The following SIGLEC1 variants were observed in gnomAD, a reference collection of about 807,000 sequenced individuals.
The protein encoded by SIGLEC1 is sialic acid binding Ig like lectin 1.
In SIGLEC1, 132 loss-of-function variants were observed where a neutral mutation model predicts 148.0. That is an observed-to-expected ratio of 0.89 (90% confidence interval 0.77 to 1.03). SIGLEC1 has a LOEUF of 1.03. SIGLEC1 is among the 50% of genes least tolerant of loss of function. SIGLEC1 has a pLI of 0.00. For synonymous variants in SIGLEC1, 945 were observed against 969.0 expected (o/e 0.98, Z 0.46); for missense variants, 2,253 against 2,271.4 (o/e 0.99, Z 0.16).
rs569504962 is a variant in SIGLEC1, at chr20:3,693,113, C to T, written c.3527G>A (p.Arg1176His). 2.9e-5 allele frequency: 46 copies of T among 1,573,210 alleles called. No individual in the cohort carries two copies. Among genetic ancestry groups the T allele is most frequent in the South Asian group, 2.6e-4 (22 of 86,270 alleles). The change falls in exon 15 of 22, where the codon CGC becomes CAC. Residue 1176 changes from arginine to histidine, a missense_variant. Transcript: ENST00000344754. Reference sequence around the variant, plus strand: ...ATGGCTCTCCAGGAGGTAGGTCAGGCGCAGGTTGCGGGGCGCGTCTGCAGG... The same window carrying T: ...ATGGCTCTCCAGGAGGTAGGTCAGGTGCAGGTTGCGGGGCGCGTCTGCAGG... ...LDVLYAPRNL[R>H]LTYLLESHGG...
Position 3,698,059 on chromosome 20 carries a change from G to C in SIGLEC1, c.1861C>G (p.Leu621Val), listed in dbSNP as rs773390349. ...TCGCTGTCCACACGGCACAAAAGGA[G>C]GCCTCGCCGTCCAGCCCCGGCCCCA... ...AAGAGAGRRG[L>V]LLCRVDSDPP... The change falls in exon 9 of 22, where the codon CTC becomes GTC. Residue 621 changes from leucine to valine, a missense_variant. By Grantham distance (32) the Leu-to-Val change is conservative (BLOSUM62 1). Transcript: ENST00000344754. 1.5e-5 allele frequency: 24 copies of C among 1,606,446 alleles called. No individual in the cohort carries two copies. The highest frequency in any genetic ancestry group is 2.0e-5 in the Non-Finnish European group (24 of 1,177,516).
intron 7 of SIGLEC1, among the ~76,000 whole-genome samples, chr20:3,700,319 C>T (rs1296981458): frequency 3.3e-5 from 5 of 151,334 alleles, no homozygotes; most frequent in Non-Finnish European, 7.4e-5. Context: ...GGTTTCACCA[C>T]GTTGGCCAGG....
Position 3,691,939 on chromosome 20 carries a change from C to A in SIGLEC1, c.4294G>T (p.Gly1432Cys). 1 of 1,595,226 alleles carries A rather than the reference C, an allele frequency of 6.3e-7. No individual in the cohort carries two copies. Among genetic ancestry groups the A allele is most frequent in the Non-Finnish European group, 8.6e-7 (1 of 1,165,870 alleles). ...TYVCTAQNLL[G>C]SISTIGRLQV... The stretch of plus-strand genomic sequence containing the variant: ...AACCGCCCGATGGTGCTGATTGAGC[C>A]CAGCAAGTTTTGGGCTGTGCAAACA... The change falls in exon 17 of 22, where the codon GGC becomes TGC. Residue 1432 changes from glycine (G) to cysteine (C), a missense_variant. By Grantham distance (159) the Gly-to-Cys change is radical. Transcript: ENST00000344754.
Position 3,688,307 on chromosome 20 carries a change from T to G in SIGLEC1, c.*253A>C. On this transcript the variant is annotated 3_prime_UTR_variant, in exon 22 of 22. Coordinates refer to ENST00000344754, the MANE Select transcript of SIGLEC1 (RefSeq NM_023068.4). The stretch of plus-strand genomic sequence containing the variant: ...GGAGAAATGGAGAGAAGGGAGGAGA[T>G]CCAGAGAAGAGAGAGCGAGATCAGC... The G allele has an allele frequency of 6.2e-6, 3 of 484,616 alleles. No homozygotes were observed. Among genetic ancestry groups the G allele is most frequent in the East Asian group, 3.9e-5 (1 of 25,808 alleles). 30.0% of individuals were successfully genotyped at this position (484,616 alleles called of 1,614,324 possible). A position where few individuals can be genotyped will look rare whatever the true frequency, so the allele number is the denominator to read the frequency against.
chr20:3,692,834 A>T lies in SIGLEC1; in HGVS notation c.3778+28T>A, dbSNP rs552704305. The T allele has an allele frequency of 1.9e-6, 3 of 1,601,782 alleles. No homozygotes were observed. The South Asian group carries it at 3.3e-5, about 18-fold the overall frequency. On this transcript the variant is annotated intron_variant, in intron 15 of 21. Transcript: ENST00000344754. The stretch of plus-strand genomic sequence containing the variant: ...GGACACCACAGTGGGCTTCCATCCC[A>T]GTGGGCTTGGCCTAGGCCCTGCCTT...
At chr20:3,689,775 C>A in intron 19 of SIGLEC1, 73 bp from the exon 20 acceptor site, 1 of 1,359,604 alleles carries the variant, frequency 7.4e-7, no homozygotes, top group South Asian at 1.3e-5. Context: ...GGGACCCACC[C>A]AAGATGACAC....
In SIGLEC1 at chr20:3,697,902, C is replaced by A. The variant is rs754799562; in HGVS notation, c.2018G>T (p.Arg673Leu). The part of the protein sequence containing the change: ...MKVTKAPNLL[R>L]VEIHNPLLEE... Reference sequence around the variant, plus strand: ...CAGCAAAGGGTTGTGAATCTCCACACGCAGCAAGTTGGGGGCTTTGGTGAC... The same window carrying A: ...CAGCAAAGGGTTGTGAATCTCCACAAGCAGCAAGTTGGGGGCTTTGGTGAC... The change falls in exon 9 of 22, where the codon CGT becomes CTT. Residue 673 changes from arginine (R) to leucine (L), a missense_variant. Physicochemically the swap from Arg to Leu is moderately radical, Grantham distance 102. Coordinates refer to ENST00000344754, the MANE Select transcript of SIGLEC1 (RefSeq NM_023068.4). 6.2e-7 allele frequency: 1 copy of A among 1,613,144 alleles called. No homozygotes were observed. Among genetic ancestry groups the A allele is most frequent in the East Asian group, 2.2e-5 (1 of 44,886 alleles).
rs540873644 is a variant in SIGLEC1 at position 3,693,064 on chromosome 20, C to T, written c.3576G>A (p.Leu1192=). The part of the protein sequence containing the change: ...ESHGGQLALV[L]CTVDSRPPAQ... ...CGGGCGGGCGGCTGTCCACAGTGCA[C>T]AGTACCAGGGCCAGCTGCCCGCCAT... Residue 1192 remains leucine, a synonymous_variant, in exon 15 of 22, where the codon CTG becomes CTA. Coordinates refer to ENST00000344754, the MANE Select transcript of SIGLEC1 (RefSeq NM_023068.4). 10 of 1,608,028 alleles carry T rather than the reference C, an allele frequency of 6.2e-6. No individual in the cohort carries two copies. The Admixed American group carries it at 6.7e-5, about 11-fold the overall frequency.
At position 3,691,372 on chromosome 20, in the gene SIGLEC1, G is replaced by A. The variant is rs546945783; in HGVS notation, c.4559C>T (p.Ala1520Val). 2 of 1,613,446 alleles carry A rather than the reference G, an allele frequency of 1.2e-6. No individual in the cohort carries two copies. The highest frequency in any genetic ancestry group is 1.7e-5 in the Admixed American group (1 of 60,034). ...ACGGAGCATGACTGGAGCAGAGGCA[G>A]CAGCCCCAGTGGGGAGCTCAGCCAG... ...HCLAELPTGA[A>V]ASAPVMLRVL... Residue 1520 changes from alanine to valine, a missense_variant, in exon 18 of 22, where the codon GCT (alanine) becomes GTT (valine). Transcript: ENST00000344754.
chr20:3,692,649 A>G lies in SIGLEC1; in HGVS notation c.3902T>C (p.Leu1301Pro), dbSNP rs200137244. 8.5e-4 allele frequency: 1,364 copies of G among 1,613,130 alleles called. 12 individuals are homozygous for G. The East Asian group carries it at 0.011, about 13-fold the overall frequency. Reference protein sequence around the residue: ...LYTWYHNGRWLQEGPAASLSF... With the variant: ...LYTWYHNGRWPQEGPAASLSF... ...GAGTGAGGCAGCTGGACCCTCCTGC[A>G]GCCAACGACCGTTGTGGTACCAAGT... The change falls in exon 16 of 22, where the codon CTG (leucine) becomes CCG (proline). Residue 1301 changes from leucine (L) to proline (P), a missense_variant. By Grantham distance (98) the Leu-to-Pro change is moderately conservative (BLOSUM62 -3). Coordinates refer to ENST00000344754, the MANE Select transcript of SIGLEC1 (RefSeq NM_023068.4).
chr20:3,700,446 G>A (rs2087841730), intron 7 of SIGLEC1, among the ~76,000 whole-genome samples: 1 of 151,508 alleles, frequency 6.6e-6, no homozygotes, highest in African/African-American at 2.4e-5. Context: ...TTAGCTGGGT[G>A]TGGTGACATG....
In SIGLEC1 at chr20:3,703,405, C is replaced by G. The variant is rs60185309; in HGVS notation, c.1020G>C (p.Gln340His). ...GTGTGTTGCAGACTAGTGTCACTGT[C>G]TGGTTCTCCAGGATGGGACCTGCTG... ...VSPAGPILENQTVTLVCNTPN... is the reference protein window; with the variant it reads ...VSPAGPILENHTVTLVCNTPN... The change falls in exon 6 of 22, where the codon CAG becomes CAC. Residue 340 changes from glutamine (Q) to histidine (H), a missense_variant. Coordinates refer to ENST00000344754, the MANE Select transcript of SIGLEC1 (RefSeq NM_023068.4). 1.2e-6 allele frequency: 2 copies of G among 1,600,488 alleles called. No individual in the cohort carries two copies. Among genetic ancestry groups the G allele is most frequent in the Non-Finnish European group, 1.7e-6 (2 of 1,172,248 alleles).
intron 3 of SIGLEC1, 84 bp downstream of exon 3, chr20:3,706,263 C>A: frequency 6.6e-7 from 1 of 1,519,822 alleles, no homozygotes; most frequent in South Asian, 1.3e-5. Flanking sequence ...AGATTCAGGA[C>A]AAGGGCTGGG....
chr20:3,689,750 G>A (rs1403575842), intron 19 of SIGLEC1, 48 bp from the exon 20 acceptor site: 2 of 1,500,174 alleles, frequency 1.3e-6, no homozygotes, highest in South Asian at 1.2e-5. Flanking sequence ...CAGGCCCCCA[G>A]TGCTTCCTTC....
Position 3,694,379 on chromosome 20 carries a change from C to G in SIGLEC1, c.3098G>C (p.Gly1033Ala). Residue 1033 changes from glycine to alanine, a missense_variant, in exon 13 of 22, where the codon GGA (glycine) becomes GCA (alanine). By Grantham distance (60) the Gly-to-Ala change is moderately conservative. Transcript: ENST00000344754. ...CAGCCTGGGAGAGCTGCCTTCGGGTCCCCCCACACCTTGTAGGGTGGAGGC... is the reference window on the plus strand; with the variant it reads ...CAGCCTGGGAGAGCTGCCTTCGGGTGCCCCCACACCTTGTAGGGTGGAGGC... ...LVASTLQGVG[G>A]PEGSSPRLHV... is the part of the protein sequence containing the mutation. 2 of 1,613,234 alleles carry G rather than the reference C, an allele frequency of 1.2e-6. No individual in the cohort carries two copies. The highest frequency in any genetic ancestry group is 1.3e-5 in the African/African-American group (1 of 75,056).
intron 8 of SIGLEC1, 84 bp from the exon 9 acceptor site, chr20:3,698,217 A>G: frequency 8.2e-7 from 1 of 1,223,004 alleles, no homozygotes; most frequent in South Asian, 1.5e-5. Flanking sequence ...AATACACTGG[A>G]CAAAGGCAGA....
rs375901559 is a variant in SIGLEC1, at chr20:3,692,016, C to T, written c.4217G>A (p.Arg1406Gln). 1.1e-5 allele frequency: 17 copies of T among 1,613,352 alleles called. No homozygotes were observed. The highest frequency in any genetic ancestry group is 3.3e-4 in the Middle Eastern group (2 of 6,084). The change falls in exon 17 of 22, where the codon CGA (arginine) becomes CAA (glutamine). Residue 1406 changes from arginine to glutamine, a missense_variant. By Grantham distance (43) the Arg-to-Gln change is conservative. Transcript: ENST00000344754. ...ASGTGHVQVA[R>Q]NALRLQVQDV... is the part of the protein sequence containing the mutation. The stretch of plus-strand genomic sequence containing the variant: ...TTGCACCTGCAGCCGTAGGGCGTTT[C>T]GGGCCACCTGGACATGGCCTGTCCC...
At chr20:3,698,164 C>T (rs1335510965) in intron 8 of SIGLEC1, 31 bp from the exon 9 acceptor site, 1 of 1,528,042 alleles carries the variant, frequency 6.5e-7, no homozygotes, top group Admixed American at 2.3e-5. Flanking sequence ...GGCACTCATC[C>T]CACGGATGCT....
Position 3,693,029 on chromosome 20 carries a change from G to T in SIGLEC1, c.3611C>A (p.Ala1204Asp). Residue 1204 changes from alanine to aspartate, a missense_variant, in exon 15 of 22, where the codon GCC (alanine) becomes GAC (aspartate). By Grantham distance (126) the Ala-to-Asp change is moderately radical (BLOSUM62 -2). Coordinates refer to ENST00000344754, the MANE Select transcript of SIGLEC1 (RefSeq NM_023068.4). ...TVDSRPPAQL[A>D]LSHAGRLLAS... Reference sequence around the variant, plus strand: ...CAAGAGGCGACCGGCGTGGCTGAGGGCCAGCTGGGCGGGCGGGCGGCTGTC... The same window carrying T: ...CAAGAGGCGACCGGCGTGGCTGAGGTCCAGCTGGGCGGGCGGGCGGCTGTC... The T allele has an allele frequency of 1.2e-6, 2 of 1,611,270 alleles. No individual in the cohort carries two copies. Among genetic ancestry groups the T allele is most frequent in the Non-Finnish European group, 1.7e-6 (2 of 1,179,564 alleles).
Sources: gnomAD v4.1 joint callset for allele counts (sites outside exome capture counted in the v4.1 genomes callset) on GRCh38, gnomAD v4.1.1 for gene constraint, MANE v1.5 for transcripts, NCBI Gene and HGNC (gene_info 2026-07-23, HGNC 2026-07-21) for gene names.